Variants in KIF6 observed in about 807,000 individuals in gnomAD.
KIF6 encodes kinesin family member 6.
A neutral mutation model predicts 112.7 loss-of-function variants in KIF6; 106 were observed. The observed-to-expected ratio is 0.94, with a 90% CI of 0.80 to 1.11. The LOEUF (loss-of-function observed/expected upper bound fraction) is 1.11. KIF6 is among the 50% of genes least tolerant of loss of function. KIF6 has a pLI of 0.00. For synonymous variants in KIF6, 339 were observed against 339.9 expected, an observed-to-expected ratio of 1.00 and a Z score of 0.03; for missense variants, 929 against 964.0, an observed-to-expected ratio of 0.96 and a Z score of 0.48.
At chr6:39,710,581 T>C (rs188385634) in intron 3 of KIF6, among the ~76,000 whole-genome samples, 41 of 150,572 alleles carry the variant, frequency 2.7e-4, no homozygotes, top group African/African-American at 9.0e-4. Context: ...TGAAAAATAA[T>C]AGCAAAAATT....
chr6:39,421,354 TATTA>T (rs1424627271), intron 14 of KIF6, among the ~76,000 whole-genome samples: 1 of 152,216 alleles, frequency 6.6e-6, no homozygotes, highest in Non-Finnish European at 1.5e-5. Flanking sequence ...TATCACATTT[TATTA>T]ATTGTCCAGT....
At chr6:39,579,684 A>G (rs1781183275) in intron 9 of KIF6, among the ~76,000 whole-genome samples, 1 of 152,068 alleles carries the variant, frequency 6.6e-6, no homozygotes, top group African/African-American at 2.4e-5. Context: ...ATGATCTTTT[A>G]AAAGTGTTAA....
At chr6:39,538,456 A>C (rs1177703845) in intron 13 of KIF6, among the ~76,000 whole-genome samples, 1 of 151,934 alleles carries the variant, frequency 6.6e-6, no homozygotes, top group Admixed American at 6.5e-5. Flanking sequence ...GCCAAAAGAC[A>C]CATGAAAAAA....
chr6:39,529,255 T>C (rs2150539802), intron 13 of KIF6, among the ~76,000 whole-genome samples: 1 of 152,288 alleles, frequency 6.6e-6, no homozygotes, highest in Non-Finnish European at 1.5e-5. Context: ...GGGCAATAAT[T>C]TTTTAGATTT....
In KIF6 at chr6:39,676,528, C is replaced by T. The variant is rs185544475; in HGVS notation, c.252-36771G>A. On this transcript the variant is annotated intron_variant, in intron 3 of 22. Coordinates refer to ENST00000287152, the MANE Select transcript of KIF6 (RefSeq NM_145027.6). ...ACTTAGCAAAGAAACTAGGATAACA[C>T]GGGGAATAAGCTAAACATGCACAGA... 1.4e-4 allele frequency among the ~76,000 whole-genome samples: 22 copies of T among 151,898 alleles called. No homozygotes were observed. In the East Asian group the frequency reaches 2.1e-3, roughly 15 times the overall value.
intron 13 of KIF6, among the ~76,000 whole-genome samples, chr6:39,532,374 T>A (rs1778126449): frequency 6.6e-6 from 1 of 152,160 alleles, no homozygotes; most frequent in Non-Finnish European, 1.5e-5. Context: ...GAACAAAGGA[T>A]GTGCTCTATA....
chr6:39,693,907 C>T (rs996888311), intron 3 of KIF6, among the ~76,000 whole-genome samples: 1 of 151,958 alleles, frequency 6.6e-6, no homozygotes, highest in Non-Finnish European at 1.5e-5. Flanking sequence ...AACATAGATG[C>T]AAAAATCCTC....
At chr6:39,546,406 T>C (rs147432294) in intron 10 of KIF6, among the ~76,000 whole-genome samples, 10 of 152,224 alleles carry the variant, frequency 6.6e-5, no homozygotes, top group African/African-American at 2.4e-4. Flanking sequence ...ATCATCTCTT[T>C]ATCTCCTCTC....
rs1029167507 is a variant in KIF6, at chr6:39,332,642, A to G, written c.*3890T>C. 3 of 152,208 alleles carry G rather than the reference A, an allele frequency of 2.0e-5. No individual in the cohort carries two copies. The highest frequency in any genetic ancestry group is 7.2e-5 in the African/African-American group (3 of 41,446). The allele number at this position is 152,208 out of a possible 1,614,324, so 9.4% of individuals were successfully genotyped here. A position where few individuals can be genotyped will look rare whatever the true frequency, so the allele number is the denominator to read the frequency against. On this transcript the variant is annotated 3_prime_UTR_variant, in exon 23 of 23. Coordinates refer to ENST00000287152, the MANE Select transcript of KIF6 (RefSeq NM_145027.6). ...ACTCTTCCCAACACAGTGTTATCTC[A>G]GGAAATTATTCCACCTGCTTCCTCC...
chr6:39,363,555 G>A (rs1765335440), intron 16 of KIF6, among the ~76,000 whole-genome samples: 1 of 152,158 alleles, frequency 6.6e-6, no homozygotes, highest in Non-Finnish European at 1.5e-5. Flanking sequence ...AGCCCAGAGT[G>A]TGGGGACTTT....
chr6:39,701,380 C>T (rs1788867582), intron 3 of KIF6, among the ~76,000 whole-genome samples: 1 of 152,182 alleles, frequency 6.6e-6, no homozygotes, highest in African/African-American at 2.4e-5. Context: ...CTGCTGGGGT[C>T]CCCATGGTAT....
At chr6:39,371,002 A>T (rs951876559) in intron 16 of KIF6, among the ~76,000 whole-genome samples, 1 of 152,192 alleles carries the variant, frequency 6.6e-6, no homozygotes, top group Non-Finnish European at 1.5e-5. Context: ...ATTTTGGATC[A>T]GTGGTGTGCT....
chr6:39,607,125 T>C (rs1023218525), intron 6 of KIF6, among the ~76,000 whole-genome samples: 5 of 152,208 alleles, frequency 3.3e-5, no homozygotes, highest in Non-Finnish European at 7.4e-5. Flanking sequence ...TCATATGCTA[T>C]GTTTAATTCG....
chr6:39,653,815 C>T (rs2150796872), intron 3 of KIF6, among the ~76,000 whole-genome samples: 2 of 152,140 alleles, frequency 1.3e-5, no homozygotes, highest in Non-Finnish European at 2.9e-5. Context: ...TGTAGGATGC[C>T]GGTGGGGGGT....
At chr6:39,519,631 A>C (rs1040016508) in intron 13 of KIF6, among the ~76,000 whole-genome samples, 1 of 152,078 alleles carries the variant, frequency 6.6e-6, no homozygotes, top group African/African-American at 2.4e-5. Context: ...GGATGGAACA[A>C]AGAGTAGAAA....
intron 16 of KIF6, among the ~76,000 whole-genome samples, chr6:39,373,011 T>C (rs982201885): frequency 6.6e-6 from 1 of 152,188 alleles, no homozygotes; most frequent in African/African-American, 2.4e-5. Flanking sequence ...CCTTTCTTGG[T>C]CCGAGATTTG....
At chr6:39,619,337 C>T (rs914431516) in intron 5 of KIF6, among the ~76,000 whole-genome samples, 1 of 152,022 alleles carries the variant, frequency 6.6e-6, no homozygotes, top group Non-Finnish European at 1.5e-5. Flanking sequence ...TAGACTTGGA[C>T]TCTTGTAAGT....
rs1334471038 is a variant in KIF6 at position 39,594,850 on chromosome 6, AT to A, written c.846+1203del. The stretch of plus-strand genomic sequence containing the variant: ...CATGTTTCTTATTTTTTATTTTATT[AT>A]TTTTTTTTAGAATTTGGAAGTAGTT... On this transcript the variant is annotated intron_variant, in intron 7 of 22. Transcript: ENST00000287152. 7.3e-5 allele frequency among the ~76,000 whole-genome samples: 11 copies of A among 150,898 alleles called. 1 individual carries two copies. The highest frequency in any genetic ancestry group is 1.3e-4 in the Non-Finnish European group (9 of 67,650).
intron 19 of KIF6, among the ~76,000 whole-genome samples, chr6:39,354,357 G>C (rs1489121377): frequency 6.6e-6 from 1 of 152,266 alleles, no homozygotes. Context: ...GGGGCTGAAA[G>C]TGTTTAGGCT....
Sources: gnomAD v4.1 joint callset for allele counts (sites outside exome capture counted in the v4.1 genomes callset) on GRCh38, gnomAD v4.1.1 for gene constraint, MANE v1.5 for transcripts, NCBI Gene and HGNC (gene_info 2026-07-23, HGNC 2026-07-21) for gene names.